Variants in CHCHD6 observed in about 807,000 individuals in gnomAD.
CHCHD6 encodes the protein coiled-coil-helix-coiled-coil-helix domain containing 6.
CHCHD6 carries 28 observed loss-of-function variants against 32.3 expected under a neutral mutation model. That is an observed-to-expected ratio of 0.87 (90% CI 0.64 to 1.19). The LOEUF is 1.19. Ranked by LOEUF, CHCHD6 falls within the 50% of genes most tolerant of loss-of-function variation. The pLI is 0.00. For missense variants in CHCHD6, 333 were observed against 307.0 expected (o/e 1.08, Z -0.63); for synonymous variants, 122 against 117.5 (o/e 1.04, Z -0.25).
At chr3:126,780,111 G>A (rs1937861570) in intron 4 of CHCHD6, among the ~76,000 whole-genome samples, 1 of 152,150 alleles carries the variant, frequency 6.6e-6, no homozygotes, top group Non-Finnish European at 1.5e-5. Flanking sequence ...CAAAGTCTCA[G>A]TGTGATGCAT....
At chr3:126,806,758 T>C (rs1939404455) in intron 4 of CHCHD6, among the ~76,000 whole-genome samples, 2 of 152,114 alleles carry the variant, frequency 1.3e-5, no homozygotes, top group African/African-American at 4.8e-5. Flanking sequence ...TGTATGTTTA[T>C]TGCGGCACTA....
At chr3:126,818,098 T>C (rs549632718) in intron 4 of CHCHD6, among the ~76,000 whole-genome samples, 1 of 152,264 alleles carries the variant, frequency 6.6e-6, no homozygotes, top group South Asian at 2.1e-4. Flanking sequence ...GCAGGGGAAG[T>C]GTCACAGTGT....
intron 1 of CHCHD6, among the ~76,000 whole-genome samples, chr3:126,708,060 C>T (rs1335678163): frequency 6.6e-6 from 1 of 152,208 alleles, no homozygotes; most frequent in East Asian, 1.9e-4. Flanking sequence ...AAAAAGGGTG[C>T]AAAAGCTACT....
At chr3:126,956,671 G>T (rs1031813344) in intron 6 of CHCHD6, among the ~76,000 whole-genome samples, 2 of 151,938 alleles carry the variant, frequency 1.3e-5, no homozygotes, top group African/African-American at 4.8e-5. Context: ...CGCTCAGGAG[G>T]CTGGGCCAGT....
intron 4 of CHCHD6, among the ~76,000 whole-genome samples, chr3:126,807,195 TAA>T (rs199560782): frequency 1.4e-5 from 2 of 138,700 alleles, no homozygotes; most frequent in African/African-American, 2.6e-5. Context: ...ACTTAAAGTA[TAA>T]AAAAAAAAAA....
intron 4 of CHCHD6, among the ~76,000 whole-genome samples, chr3:126,745,072 C>G (rs1212057769): frequency 6.6e-6 from 1 of 152,166 alleles, no homozygotes; most frequent in African/African-American, 2.4e-5. Context: ...GAGGGACACT[C>G]TTCCCTGGGA....
chr3:126,728,667 G>A (rs1278639182), intron 2 of CHCHD6, among the ~76,000 whole-genome samples: 2 of 152,268 alleles, frequency 1.3e-5, no homozygotes, highest in Middle Eastern at 3.4e-3. Flanking sequence ...GGATTAACTC[G>A]AAAGAGGGAG....
chr3:126,778,824 C>G (rs531448144), intron 4 of CHCHD6, among the ~76,000 whole-genome samples: 1 of 152,208 alleles, frequency 6.6e-6, no homozygotes, highest in African/African-American at 2.4e-5. Flanking sequence ...AATCATAGCT[C>G]ACTGCAGGCA....
At chr3:126,826,374 T>C (rs908736624) in intron 4 of CHCHD6, among the ~76,000 whole-genome samples, 1 of 152,218 alleles carries the variant, frequency 6.6e-6, no homozygotes, top group African/African-American at 2.4e-5. Flanking sequence ...ATTGTGAGTA[T>C]TTGGACAGCA....
chr3:126,824,766 A>G (rs1006999494), intron 4 of CHCHD6, among the ~76,000 whole-genome samples: 1 of 151,572 alleles, frequency 6.6e-6, no homozygotes, highest in Admixed American at 6.6e-5. Flanking sequence ...TTTAGCAGAG[A>G]CGGGATTTCA....
At chr3:126,791,523 C>G (rs1187759924) in intron 4 of CHCHD6, among the ~76,000 whole-genome samples, 1 of 152,270 alleles carries the variant, frequency 6.6e-6, no homozygotes. Flanking sequence ...TCAGCAATGG[C>G]GGGCGCCCCT....
intron 5 of CHCHD6, among the ~76,000 whole-genome samples, chr3:126,906,903 A>C (rs1221623736): frequency 6.6e-6 from 1 of 152,176 alleles, no homozygotes; most frequent in South Asian, 2.1e-4. Context: ...GTCATCATCC[A>C]TGTCACAGCA....
intron 5 of CHCHD6, among the ~76,000 whole-genome samples, chr3:126,905,089 T>C (rs957467768): frequency 1.3e-5 from 2 of 152,030 alleles, no homozygotes; most frequent in Non-Finnish European, 2.9e-5. Flanking sequence ...ATGTGTCACA[T>C]CCAGAACGAG....
chr3:126,833,336 A>C (rs1207982839), intron 4 of CHCHD6, among the ~76,000 whole-genome samples: 1 of 152,242 alleles, frequency 6.6e-6, no homozygotes, highest in Non-Finnish European at 1.5e-5. Flanking sequence ...GCACGGGTAC[A>C]GACACTCAGC....
At chr3:126,913,422 A>G (rs758369217) in intron 5 of CHCHD6, among the ~76,000 whole-genome samples, 1 of 150,690 alleles carries the variant, frequency 6.6e-6, no homozygotes, top group Non-Finnish European at 1.5e-5. Context: ...TTTAGTAGAG[A>G]TGGGGTTTTG....
At chr3:126,880,222 G>A (rs897236296) in intron 5 of CHCHD6, among the ~76,000 whole-genome samples, 2 of 152,188 alleles carry the variant, frequency 1.3e-5, no homozygotes, top group Admixed American at 6.5e-5. Flanking sequence ...GAAGTAGGGC[G>A]AGTGTACAGT....
At chr3:126,834,535 G>T (rs1940776282) in intron 4 of CHCHD6, among the ~76,000 whole-genome samples, 1 of 152,086 alleles carries the variant, frequency 6.6e-6, no homozygotes, top group African/African-American at 2.4e-5. Context: ...GAGCTCCTAG[G>T]TCATGAAGCC....
At chr3:126,787,112 T>G (rs1427441456) in intron 4 of CHCHD6, among the ~76,000 whole-genome samples, 1 of 152,230 alleles carries the variant, frequency 6.6e-6, no homozygotes, top group Non-Finnish European at 1.5e-5. Context: ...TTTTGTCAGG[T>G]TTGTCAAAGA....
chr3:126,726,517 G>A (rs1225886278), intron 1 of CHCHD6, among the ~76,000 whole-genome samples: 1 of 152,038 alleles, frequency 6.6e-6, no homozygotes, highest in African/African-American at 2.4e-5. Flanking sequence ...CAGTAGACTT[G>A]CCTGATGCAG....
Sources: gnomAD v4.1 joint callset for allele counts (sites outside exome capture counted in the v4.1 genomes callset) on GRCh38, gnomAD v4.1.1 for gene constraint, MANE v1.5 for transcripts, NCBI Gene and HGNC (gene_info 2026-07-23, HGNC 2026-07-21) for gene names.